Variants in PRKRIP1 observed in about 807,000 individuals in gnomAD.
PRKRIP1 encodes PRKR-interacting protein 1.
PRKRIP1 carries 29 observed loss-of-function variants against 29.3 expected under a neutral mutation model. The ratio of observed to expected loss-of-function variants is 0.99; its 90% CI spans 0.74 to 1.35. The LOEUF is 1.35. Ranked by LOEUF, PRKRIP1 falls within the 40% of genes most tolerant of loss-of-function variation. PRKRIP1 has a pLI of 0.00. For missense variants in PRKRIP1, 247 were observed against 236.8 expected (o/e 1.04, Z -0.28); for synonymous variants, 90 against 85.1 (o/e 1.06, Z -0.32).
intron 4 of PRKRIP1, among the ~76,000 whole-genome samples, chr7:102,406,895 A>G (rs899452047): frequency 1.2e-4 from 18 of 152,010 alleles, no homozygotes; most frequent in Non-Finnish European, 1.8e-4. Flanking sequence ...GCCGATTAAA[A>G]TGATGTATAA....
At chr7:102,405,152 CCT>C (rs1487763521) in intron 4 of PRKRIP1, among the ~76,000 whole-genome samples, 5 of 152,266 alleles carry the variant, frequency 3.3e-5, no homozygotes, top group African/African-American at 1.2e-4. Flanking sequence ...GTCTTGAACT[CCT>C]CACCTCAGGT....
chr7:102,400,560 A>G (rs1796038688), intron 3 of PRKRIP1, among the ~76,000 whole-genome samples: 1 of 152,166 alleles, frequency 6.6e-6, no homozygotes, highest in African/African-American at 2.4e-5. Context: ...TGACTGGGAA[A>G]AGACGTATGA....
intron 5 of PRKRIP1, among the ~76,000 whole-genome samples, chr7:102,417,510 C>A (rs1796586906): frequency 6.6e-6 from 1 of 151,948 alleles, no homozygotes. Context: ...CTTGATAGTC[C>A]ATTATTACTG....
intron 4 of PRKRIP1, among the ~76,000 whole-genome samples, chr7:102,406,369 C>T (rs1796222655): frequency 6.6e-6 from 1 of 152,166 alleles, no homozygotes; most frequent in Non-Finnish European, 1.5e-5. Context: ...GTAAAATCCA[C>T]TTTTCATCAC....
At chr7:102,402,359 G>A (rs1195126058) in intron 3 of PRKRIP1, among the ~76,000 whole-genome samples, 1 of 151,878 alleles carries the variant, frequency 6.6e-6, no homozygotes, top group East Asian at 1.9e-4. Context: ...GATCGCTTGA[G>A]CCTGGACGGT....
intron 3 of PRKRIP1, among the ~76,000 whole-genome samples, chr7:102,400,365 TAGC>T (rs1361546924): frequency 6.6e-6 from 1 of 152,118 alleles, no homozygotes; most frequent in Non-Finnish European, 1.5e-5. Flanking sequence ...TTGTAATATT[TAGC>T]CATAAAAAGG....
chr7:102,416,333 G>GT (rs1397319712), intron 5 of PRKRIP1, among the ~76,000 whole-genome samples: 1 of 152,186 alleles, frequency 6.6e-6, no homozygotes, highest in Non-Finnish European at 1.5e-5. Flanking sequence ...TGGTACATTG[G>GT]TCACAGTGTG....
intron 2 of PRKRIP1, 107 bp from the exon 3 acceptor site, chr7:102,399,441 G>C: frequency 1.2e-6 from 1 of 820,350 alleles, no homozygotes; most frequent in East Asian, 2.4e-5. Flanking sequence ...GGAAGGCATG[G>C]TCCCTTCCAC....
chr7:102,411,494 C>T (rs547820094), intron 5 of PRKRIP1, among the ~76,000 whole-genome samples: 2 of 152,230 alleles, frequency 1.3e-5, no homozygotes, highest in East Asian at 3.9e-4. Flanking sequence ...AAGCAATTCT[C>T]CTGCCTCAGC....
At chr7:102,396,602 G>T (rs1433568433) in intron 1 of PRKRIP1, 65 bp downstream of exon 1, 6 of 1,525,282 alleles carry the variant, frequency 3.9e-6, no homozygotes, top group Non-Finnish European at 5.3e-6. Flanking sequence ...AGCGCTTCAG[G>T]GTTCCCGCAG....
intron 5 of PRKRIP1, among the ~76,000 whole-genome samples, chr7:102,421,796 C>CA (rs781929946): frequency 0.023 from 2,849 of 124,798 alleles, 81 homozygotes; most frequent in African/African-American, 0.075. Flanking sequence ...ACCCCGTCTC[C>CA]AAAAAAAAAA....
chr7:102,405,178 C>T (rs570225843), intron 4 of PRKRIP1, among the ~76,000 whole-genome samples: 1 of 152,282 alleles, frequency 6.6e-6, no homozygotes, highest in Non-Finnish European at 1.5e-5. Context: ...CCGCCTGCTT[C>T]GGCCTCCCAA....
At chr7:102,405,357 A>G (rs574129465) in intron 4 of PRKRIP1, among the ~76,000 whole-genome samples, 1 of 152,344 alleles carries the variant, frequency 6.6e-6, no homozygotes, top group East Asian at 1.9e-4. Flanking sequence ...CTGTGTGTTT[A>G]CATAAGTGGT....
intron 2 of PRKRIP1, 96 bp from the exon 3 acceptor site, chr7:102,399,452 G>A (rs1021066225): frequency 8.5e-6 from 8 of 943,924 alleles, no homozygotes; most frequent in Admixed American, 7.2e-5. Context: ...TCCCTTCCAC[G>A]ACTTCCACTT....
intron 5 of PRKRIP1, among the ~76,000 whole-genome samples, chr7:102,421,518 G>A (rs558126616): frequency 8.1e-4 from 123 of 152,130 alleles, no homozygotes; most frequent in African/African-American, 2.8e-3. Context: ...AAAAAAAAAG[G>A]CCGGGTGTGG....
At chr7:102,400,797 G>A (rs1554571095) in intron 3 of PRKRIP1, among the ~76,000 whole-genome samples, 1 of 152,064 alleles carries the variant, frequency 6.6e-6, no homozygotes, top group Non-Finnish European at 1.5e-5. Flanking sequence ...CCCATGCCTG[G>A]CTAATTTTTT....
chr7:102,423,120 C>CTTTT, intron 5 of PRKRIP1: 2 of 382,346 alleles, frequency 5.2e-6, no homozygotes, highest in Admixed American at 5.7e-5. Flanking sequence ...ACCCTATGCT[C>CTTTT]TTTTTTTTTT....
intron 3 of PRKRIP1, among the ~76,000 whole-genome samples, chr7:102,400,624 T>C (rs150471219): frequency 6.6e-6 from 1 of 152,172 alleles, no homozygotes; most frequent in African/African-American, 2.4e-5. Context: ...CATTTGGTTC[T>C]GTGTAGATAC....
chr7:102,410,638 C>G (rs561185805), intron 5 of PRKRIP1, among the ~76,000 whole-genome samples: 4 of 152,296 alleles, frequency 2.6e-5, no homozygotes, highest in African/African-American at 9.6e-5. Context: ...AACTCACACT[C>G]TTAGTGAGGT....
Sources: allele counts gnomAD v4.1 joint callset (sites outside exome capture counted in the v4.1 genomes callset), GRCh38; gene constraint gnomAD v4.1.1; transcripts MANE v1.5; gene names NCBI Gene and HGNC (gene_info 2026-07-23, HGNC 2026-07-21).